The following GYPB variants were observed in gnomAD, a reference collection of about 807,000 sequenced individuals.
GYPB encodes the protein glycophorin B (MNS blood group), also known as glycophorin-B.
Under a neutral mutation model 15.3 loss-of-function variants are expected in GYPB, and 13 were observed. The ratio of observed to expected loss-of-function variants is 0.85; its 90% CI spans 0.55 to 1.35. The LOEUF is 1.35. Ranked by LOEUF, GYPB falls within the 40% of genes most tolerant of loss-of-function variation. The pLI, the probability that GYPB is intolerant of heterozygous loss-of-function variation, is 0.00. For missense variants in GYPB, 131 were observed against 108.3 expected (o/e 1.21, Z -0.93); for synonymous variants, 38 against 36.9 (o/e 1.03, Z -0.11).
intron 2 of GYPB, among the ~76,000 whole-genome samples, chr4:143,999,894 A>C (rs373193242): frequency 0.011 from 1,402 of 129,632 alleles, 27 homozygotes; most frequent in African/African-American, 0.015. Context: ...TAGCCACTGT[A>C]TGAATCTAAA....
Position 143,996,154 on chromosome 4 carries a change from T to A in GYPB, c.*145A>T. The A allele has an allele frequency of 1.3e-6, 2 of 1,511,508 alleles. No individual in the cohort carries two copies. Among genetic ancestry groups the A allele is most frequent in the Middle Eastern group, 2.2e-4 (1 of 4,540 alleles). The allele number at this position is 1,511,508 out of a possible 1,614,324, so 93.6% of individuals were successfully genotyped here. On this transcript the variant is annotated 3_prime_UTR_variant, in exon 5 of 5. Coordinates refer to ENST00000502664, the MANE Select transcript of GYPB (RefSeq NM_002100.6). ...TATTTAGAAGTAGAGAATACAGTAA[T>A]AGTGAGGCAGGAGAACAGGGAATTA...
intron 1 of GYPB, among the ~76,000 whole-genome samples, chr4:144,013,889 C>T (rs1728353852): frequency 6.6e-6 from 1 of 150,558 alleles, no homozygotes; most frequent in Non-Finnish European, 1.5e-5. Flanking sequence ...GCACATTGTG[C>T]ACATGTACCC....
chr4:144,013,246 A>G (rs1348502047), intron 1 of GYPB, among the ~76,000 whole-genome samples: 5 of 151,040 alleles, frequency 3.3e-5, no homozygotes, highest in Non-Finnish European at 7.4e-5. Flanking sequence ...TTAGAATGGC[A>G]ATCATTAAAA....
In GYPB at chr4:144,001,142, A is replaced by T. The variant is rs549985678; in HGVS notation, c.136+43T>A. 12 of 1,612,498 alleles carry T rather than the reference A, an allele frequency of 7.4e-6. No individual in the cohort carries two copies. The African/African-American group carries it at 1.2e-4, about 16-fold the overall frequency. On this transcript the variant is annotated intron_variant, in intron 2 of 4. Coordinates refer to ENST00000502664, the MANE Select transcript of GYPB (RefSeq NM_002100.6). ...CCTAAAATAGGGTTGCATCACAAAA[A>T]TCATTTCGGAGCCACAATTTAAAAA...
At chr4:144,014,177 G>T (rs1189561621) in intron 1 of GYPB, among the ~76,000 whole-genome samples, 2 of 151,830 alleles carry the variant, frequency 1.3e-5, no homozygotes, top group African/African-American at 2.4e-5. Flanking sequence ...AGCTCCTGTG[G>T]AAAAGAGTTG....
chr4:144,015,313 T>C (rs1420721402), intron 1 of GYPB, among the ~76,000 whole-genome samples: 1 of 151,310 alleles, frequency 6.6e-6, no homozygotes, highest in Non-Finnish European at 1.5e-5. Context: ...TTAGTTTAGT[T>C]CATTTATCAC....
At chr4:144,002,808 C>T (rs767805329) in intron 1 of GYPB, 21 of 527,652 alleles carry the variant, frequency 4.0e-5, no homozygotes, top group Non-Finnish European at 6.1e-5. Context: ...AATCAGTTTA[C>T]CTCCAAATCA....
In GYPB at chr4:143,996,287, C is replaced by G. The variant is rs1727304963; in HGVS notation, c.*12G>C. On this transcript the variant is annotated 3_prime_UTR_variant, in exon 5 of 5. Transcript: ENST00000502664. ...GTTCTAGGCAAGATCAGGCAGCATG[C>G]AGGCCACATCCTCATGCCTGTGATA... 6.4e-7 allele frequency: 1 copy of G among 1,550,760 alleles called. No individual in the cohort carries two copies. The highest frequency in any genetic ancestry group is 8.7e-7 in the Non-Finnish European group (1 of 1,147,254).
rs1466078060 is a variant in GYPB at position 144,005,137 on chromosome 4, A to G, written c.38-3854T>C. Among the ~76,000 whole-genome samples the G allele has an allele frequency of 9.2e-5, 14 of 152,082 alleles. 3 individuals carry two copies. Among genetic ancestry groups the G allele is most frequent in the African/African-American group, 2.9e-4 (12 of 41,278 alleles). ...TATTGCCCTGTTGAATTCAGAAGGT[A>G]CATTTAAGCTAGAAAACCACTTGCA... On this transcript the variant is annotated intron_variant, in intron 1 of 4. Transcript: ENST00000502664.
At chr4:144,009,601 CTTTTTTTTTTTTTTT>C (rs55807150) in intron 1 of GYPB, among the ~76,000 whole-genome samples, 7 of 57,782 alleles carry the variant, frequency 1.2e-4, no homozygotes, top group East Asian at 6.7e-4. Context: ...TTTTTTCTTT[CTTTTTTTTTTTTTTT>C]TTTTTTTTTT....
At chr4:143,997,488 C>T (rs548053533) in intron 4 of GYPB, 52 bp downstream of exon 4, 11 of 976,120 alleles carry the variant, frequency 1.1e-5, no homozygotes, top group South Asian at 3.9e-5. Context: ...ATAAACCCTC[C>T]TAGAGCTGTT....
intron 1 of GYPB, among the ~76,000 whole-genome samples, chr4:144,003,740 C>G (rs1372108506): frequency 1.3e-5 from 2 of 151,376 alleles, no homozygotes; most frequent in East Asian, 1.9e-4. Context: ...AACAGCTACT[C>G]CTCACAGTAA....
intron 3 of GYPB, among the ~76,000 whole-genome samples, chr4:143,998,280 A>G (rs766143439): frequency 3.3e-5 from 5 of 151,524 alleles, no homozygotes; most frequent in African/African-American, 1.2e-4. Context: ...GAATGAAACA[A>G]TTGAAATCAA....
At chr4:144,016,091 C>A (rs1268880441) in intron 1 of GYPB, among the ~76,000 whole-genome samples, 4 of 138,744 alleles carry the variant, frequency 2.9e-5, no homozygotes, top group Non-Finnish European at 4.5e-5. Context: ...GTAACTCTTT[C>A]CTGTACCAAT....
chr4:144,001,793 AG>A (rs1284429686), intron 1 of GYPB, among the ~76,000 whole-genome samples: 2 of 151,094 alleles, frequency 1.3e-5, no homozygotes, highest in African/African-American at 2.5e-5. Flanking sequence ...ACAGAACAAA[AG>A]TTCTGTCCCA....
rs55682721 is a variant in GYPB, at chr4:143,997,521, T to G, written c.270+19A>C. 4.7e-3 allele frequency: 6,731 copies of G among 1,440,156 alleles called. 35 individuals are homozygous for G. The highest frequency in any genetic ancestry group is 7.5e-3 in the Middle Eastern group (42 of 5,636). The allele number at this position is 1,440,156 out of a possible 1,614,324, so 89.2% of individuals were successfully genotyped here. On this transcript the variant is annotated intron_variant, in intron 4 of 4. Transcript: ENST00000502664. ...GTTCACACTGGTATTTAGAGCAAAA[T>G]TAAAAACTGAATTCTCACCTTTATC...
chr4:144,006,610 A>C (rs1312809285), intron 1 of GYPB, among the ~76,000 whole-genome samples: 4 of 152,008 alleles, frequency 2.6e-5, no homozygotes, highest in African/African-American at 4.9e-5. Context: ...GCTCTCATCA[A>C]GATGTGATAA....
intron 1 of GYPB, among the ~76,000 whole-genome samples, chr4:144,007,604 T>C (rs1179035991): frequency 1.3e-5 from 2 of 151,488 alleles, no homozygotes; most frequent in African/African-American, 4.9e-5. Context: ...CAGTGCACAT[T>C]CTTCAGCCTG....
chr4:143,998,291 TTAAG>T (rs1372762768), intron 3 of GYPB, among the ~76,000 whole-genome samples: 1 of 151,492 alleles, frequency 6.6e-6, no homozygotes, highest in African/African-American at 2.5e-5. Context: ...TTGAAATCAA[TTAAG>T]TAAGAGATAT....
Sources: allele counts gnomAD v4.1 joint callset (sites outside exome capture counted in the v4.1 genomes callset), GRCh38; gene constraint gnomAD v4.1.1; transcripts MANE v1.5; gene names NCBI Gene and HGNC (gene_info 2026-07-23, HGNC 2026-07-21).